TMEM184B: variants seen among roughly 807,000 people sequenced by gnomAD.
The protein encoded by TMEM184B is transmembrane protein 184B.
Under a neutral mutation model 41.8 loss-of-function variants are expected in TMEM184B, and 17 were observed. The ratio of observed to expected loss-of-function variants is 0.41; its 90% CI spans 0.28 to 0.61. The LOEUF is 0.61. Ranked by LOEUF, TMEM184B falls within the 20% of genes least tolerant of loss-of-function variation. The probability of loss-of-function intolerance (pLI) is 0.34; values close to 1 mark genes in which losing one functional copy is unlikely to be tolerated. For synonymous variants in TMEM184B, 240 were observed against 229.5 expected (o/e 1.05, Z -0.41); for missense variants, 393 against 557.8 (o/e 0.70, Z 2.98).
intron 1 of TMEM184B, among the ~76,000 whole-genome samples, chr22:38,271,993 G>A (rs377726316): frequency 1.3e-5 from 2 of 152,212 alleles, no homozygotes; most frequent in African/African-American, 2.4e-5. Context: ...GGCACAGATT[G>A]CTGCTTCTTT....
chr22:38,246,062 C>T lies in TMEM184B; in HGVS notation c.231G>A (p.Glu77=), dbSNP rs1237485056. The T allele has an allele frequency of 1.2e-6, 2 of 1,612,800 alleles. No individual in the cohort carries two copies. The highest frequency in any genetic ancestry group is 2.2e-5 in the East Asian group (1 of 44,892). The part of the protein sequence containing the change: ...MHLRCYSCPN[E]QRYIVRILFI... ...AGAGGATGCGCACGATGTAGCGCTG[C>T]TCGTTGGGGCAGCTGTAGCAGCGCA... is the stretch of plus-strand genomic sequence containing the variant. Residue 77 remains glutamate (E), a synonymous_variant, in exon 3 of 9, where the codon GAG becomes GAA. Coordinates refer to ENST00000361906, the MANE Select transcript of TMEM184B (RefSeq NM_012264.5).
intron 1 of TMEM184B, among the ~76,000 whole-genome samples, chr22:38,266,030 G>A (rs547683065): frequency 4.6e-5 from 7 of 152,320 alleles, no homozygotes; most frequent in South Asian, 2.1e-4. Flanking sequence ...CTCCACACAC[G>A]TCCCTTGGAG....
chr22:38,220,720 T>C lies in TMEM184B; in HGVS notation c.*749A>G, dbSNP rs1358672559. The C allele has an allele frequency of 4.1e-6, 4 of 986,168 alleles. No individual in the cohort carries two copies. Among genetic ancestry groups the C allele is most frequent in the Non-Finnish European group, 4.8e-6 (4 of 830,290 alleles). 61.1% of individuals were successfully genotyped at this position (986,168 alleles called of 1,614,324 possible). A position where few individuals can be genotyped will look rare whatever the true frequency, so the allele number is the denominator to read the frequency against. ...AGGAAGGACCCAAGTGAGCCGGCAG[T>C]GCGGGCTGTGGGCTGTCCTTGGTAG... On this transcript the variant is annotated 3_prime_UTR_variant, in exon 9 of 9. Transcript: ENST00000361906.
chr22:38,263,680 G>A (rs1228303559), intron 1 of TMEM184B, among the ~76,000 whole-genome samples: 1 of 152,220 alleles, frequency 6.6e-6, no homozygotes, highest in East Asian at 1.9e-4. Flanking sequence ...CTGGGAGGCA[G>A]AGCTGCCGGT....
intron 5 of TMEM184B, among the ~76,000 whole-genome samples, chr22:38,227,622 C>T (rs1189384388): frequency 2.0e-5 from 3 of 152,200 alleles, no homozygotes; most frequent in African/African-American, 7.2e-5. Flanking sequence ...AGCACGTGGA[C>T]TCCAGAGTCT....
chr22:38,263,825 G>A (rs560494423), intron 1 of TMEM184B, among the ~76,000 whole-genome samples: 1 of 152,312 alleles, frequency 6.6e-6, no homozygotes, highest in South Asian at 2.1e-4. Flanking sequence ...TGTTTTTTGA[G>A]ATGCAGTCTC....
rs1203784507 is a variant in TMEM184B at position 38,225,751 on chromosome 22, GAC to G, written c.618-160_618-159del. 6.6e-6 allele frequency among the ~76,000 whole-genome samples: 1 copy of G among 152,208 alleles called. No homozygotes were observed. The highest frequency in any genetic ancestry group is 6.5e-5 in the Admixed American group (1 of 15,286). Reference sequence around the variant, plus strand: ...GTCAGAATGGGTGATCAAAGCGACAGACAGGGGTGGGGGTACATGGGGTGCGC... The same window carrying G: ...GTCAGAATGGGTGATCAAAGCGACAGAGGGGTGGGGGTACATGGGGTGCGC... On this transcript the variant is annotated intron_variant, in intron 6 of 8. Transcript: ENST00000361906. The surrounding 1 kb of genome is among the most constrained non-coding windows in gnomAD (Gnocchi z 4.4).
chr22:38,230,649 C>T lies in TMEM184B; in HGVS notation c.525+20G>A. On this transcript the variant is annotated intron_variant, in intron 5 of 8. Transcript: ENST00000361906. Reference sequence around the variant, plus strand: ...CCCGCCCTGCTCCTCCTGAGCTAGGCAGCTGCTGGGGGCACACACCTGTTT... The same window carrying T: ...CCCGCCCTGCTCCTCCTGAGCTAGGTAGCTGCTGGGGGCACACACCTGTTT... The T allele has an allele frequency of 6.2e-7, 1 of 1,603,422 alleles. No homozygotes were observed. The highest frequency in any genetic ancestry group is 1.1e-5 in the South Asian group (1 of 89,094).
In TMEM184B at chr22:38,225,061, C is replaced by A; in HGVS notation, c.788-82G>T. 7.1e-7 allele frequency: 1 copy of A among 1,408,580 alleles called. No individual in the cohort carries two copies. The highest frequency in any genetic ancestry group is 9.4e-7 in the Non-Finnish European group (1 of 1,058,224). 87.3% of individuals were successfully genotyped at this position (1,408,580 alleles called of 1,614,324 possible). On this transcript the variant is annotated intron_variant, in intron 7 of 8. Transcript: ENST00000361906. The surrounding 1 kb of genome is among the most constrained non-coding windows in gnomAD (Gnocchi z 4.4). The stretch of plus-strand genomic sequence containing the variant: ...TCTTCCACAATGCCCCATTCAGCTG[C>A]CCACATGCCCCAGTGAGGATGTGAG...
At chr22:38,218,909 G>T (rs2091184176), downstream of TMEM184B, among the ~76,000 whole-genome samples, 1 of 152,162 alleles carries the variant, frequency 6.6e-6, no homozygotes, top group Admixed American at 6.5e-5. Context: ...TGGCCCTGAG[G>T]GTCCCAGGGT....
chr22:38,238,273 C>T (rs1459342889), intron 3 of TMEM184B, among the ~76,000 whole-genome samples: 4 of 149,460 alleles, frequency 2.7e-5, no homozygotes, highest in African/African-American at 7.4e-5. Flanking sequence ...TGTCGCAGGC[C>T]GGAGTGCAGT....
At chr22:38,240,635 C>T (rs1192192500) in intron 3 of TMEM184B, among the ~76,000 whole-genome samples, 1 of 151,044 alleles carries the variant, frequency 6.6e-6, no homozygotes, top group Non-Finnish European at 1.5e-5. Flanking sequence ...CGCCAGGTTG[C>T]CGAGCACAAT....
At chr22:38,256,261 G>A (rs968041966) in intron 1 of TMEM184B, among the ~76,000 whole-genome samples, 1 of 150,342 alleles carries the variant, frequency 6.7e-6, no homozygotes, top group African/African-American at 2.5e-5. Context: ...CACCCAGGCC[G>A]GAGTGCAGTG....
intron 1 of TMEM184B, among the ~76,000 whole-genome samples, chr22:38,270,651 G>C (rs1318960267): frequency 6.6e-6 from 1 of 152,176 alleles, no homozygotes; most frequent in Non-Finnish European, 1.5e-5. Context: ...ACCCCACACA[G>C]AGCTCTCCCA....
At chr22:38,260,690 T>G (rs2092357531) in intron 1 of TMEM184B, among the ~76,000 whole-genome samples, 1 of 152,220 alleles carries the variant, frequency 6.6e-6, no homozygotes, top group Non-Finnish European at 1.5e-5. Flanking sequence ...CAGAAAGCAC[T>G]GAGAAGGTCT....
chr22:38,234,590 C>A (rs1193042428), intron 3 of TMEM184B, among the ~76,000 whole-genome samples: 1 of 152,108 alleles, frequency 6.6e-6, no homozygotes, highest in East Asian at 1.9e-4. Flanking sequence ...ACAGATAAAA[C>A]CATGACTGAA....
chr22:38,231,224 TG>T lies in TMEM184B; in HGVS notation c.449+19del, dbSNP rs1340808276. On this transcript the variant is annotated intron_variant, in intron 4 of 8. Coordinates refer to ENST00000361906, the MANE Select transcript of TMEM184B (RefSeq NM_012264.5). The stretch of plus-strand genomic sequence containing the variant: ...CAGGAAACGGGGTGGTTTAGGGCTC[TG>T]GGAAGACTCCATACTCACTCAATGG... 1 of 1,610,112 alleles carries T rather than the reference TG, an allele frequency of 6.2e-7. No individual in the cohort carries two copies. Among genetic ancestry groups the T allele is most frequent in the South Asian group, 1.1e-5 (1 of 91,004 alleles).
At chr22:38,254,725 C>A (rs9622764) in intron 1 of TMEM184B, among the ~76,000 whole-genome samples, 41,463 of 152,062 alleles carry the variant, frequency 0.27, 6,236 homozygotes, top group Middle Eastern at 0.38. Context: ...ATATCATATA[C>A]CTATAAAATA....
intron 8 of TMEM184B, among the ~76,000 whole-genome samples, 179 bp downstream of exon 8, chr22:38,224,606 G>T (rs905424256): frequency 4.6e-5 from 7 of 152,156 alleles, no homozygotes. Context: ...GGACCGAATC[G>T]GTCGTGCTGG....
Sources: gnomAD v4.1 joint callset for allele counts (sites outside exome capture counted in the v4.1 genomes callset) on GRCh38, gnomAD v4.1.1 for gene constraint, Gnocchi (gnomAD v3.1) non-coding constraint, MANE v1.5 for transcripts, NCBI Gene and HGNC (gene_info 2026-07-23, HGNC 2026-07-21) for gene names.